The following ARHGAP26 variants were observed in gnomAD, a reference collection of about 807,000 sequenced individuals.
The protein encoded by ARHGAP26 is rho GTPase-activating protein 26.
In ARHGAP26, 38 loss-of-function variants were observed where a neutral mutation model predicts 104.8. The observed-to-expected ratio is 0.36, with a 90% CI of 0.28 to 0.48. The LOEUF is 0.48. ARHGAP26 is among the 20% of genes least tolerant of loss of function. The probability of loss-of-function intolerance (pLI) is 0.99; values close to 1 mark genes in which losing one functional copy is unlikely to be tolerated. For synonymous variants in ARHGAP26, 341 were observed against 340.0 expected, an observed-to-expected ratio of 1.00 and a Z score of -0.03; for missense variants, 704 against 947.9, an observed-to-expected ratio of 0.74 and a Z score of 3.38.
chr5:143,148,802 C>A (rs1799457892), intron 20 of ARHGAP26, among the ~76,000 whole-genome samples: 1 of 152,020 alleles, frequency 6.6e-6, no homozygotes, highest in South Asian at 2.1e-4. Flanking sequence ...TTGTTTTTTT[C>A]TTCAGTTGGT....
chr5:142,806,384 T>TG (rs1360022000), intron 1 of ARHGAP26, among the ~76,000 whole-genome samples: 1 of 152,222 alleles, frequency 6.6e-6, no homozygotes, highest in Non-Finnish European at 1.5e-5. Flanking sequence ...CCTGAGCCAT[T>TG]GTGCTGGCCA....
intron 1 of ARHGAP26, among the ~76,000 whole-genome samples, chr5:142,867,479 T>A (rs1350643156): frequency 6.6e-6 from 1 of 152,126 alleles, no homozygotes; most frequent in African/African-American, 2.4e-5. Flanking sequence ...TCGTTGGAAA[T>A]GCCTCTCTCC....
At chr5:142,995,111 A>C (rs1038814672) in intron 11 of ARHGAP26, among the ~76,000 whole-genome samples, 1 of 152,238 alleles carries the variant, frequency 6.6e-6, no homozygotes, top group Non-Finnish European at 1.5e-5. Context: ...ATGGGCAAAG[A>C]CTTCATGACT....
chr5:142,833,059 T>C (rs1012324633), intron 1 of ARHGAP26, among the ~76,000 whole-genome samples: 7 of 151,932 alleles, frequency 4.6e-5, no homozygotes, highest in African/African-American at 1.7e-4. Flanking sequence ...TTTTATTTCT[T>C]TTTTTTTGTT....
intron 12 of ARHGAP26, among the ~76,000 whole-genome samples, chr5:143,020,838 C>A (rs554020355): frequency 6.6e-6 from 1 of 152,128 alleles, no homozygotes; most frequent in African/African-American, 2.4e-5. Context: ...GACAGGGTTT[C>A]ACCGTGTTAG....
intron 11 of ARHGAP26, among the ~76,000 whole-genome samples, chr5:143,005,457 T>C (rs555450544): frequency 6.6e-6 from 1 of 152,350 alleles, no homozygotes; most frequent in South Asian, 2.1e-4. Flanking sequence ...ATAGTCTGGA[T>C]CACATGCAAC....
chr5:142,927,896 A>G (rs78888476), intron 10 of ARHGAP26, among the ~76,000 whole-genome samples: 1 of 152,168 alleles, frequency 6.6e-6, no homozygotes, highest in East Asian at 1.9e-4. Context: ...TTTTAATCAC[A>G]TTTCCCTCAT....
In ARHGAP26 at chr5:142,770,933, C is replaced by A; in HGVS notation, c.154+18C>A. 6.3e-7 allele frequency: 1 copy of A among 1,593,606 alleles called. No individual in the cohort carries two copies. Among genetic ancestry groups the A allele is most frequent in the African/African-American group, 1.4e-5 (1 of 73,570 alleles). ...GCTCAAGAGTGAGTGTCCCGAGCCCCTCGGGGACGCGGCTCCGGGGCGGGA... is the reference window on the plus strand; with the variant it reads ...GCTCAAGAGTGAGTGTCCCGAGCCCATCGGGGACGCGGCTCCGGGGCGGGA... On this transcript the variant is annotated intron_variant, in intron 1 of 22. Transcript: ENST00000645722.
At chr5:143,096,503 T>G (rs528134950) in intron 17 of ARHGAP26, among the ~76,000 whole-genome samples, 1 of 152,338 alleles carries the variant, frequency 6.6e-6, no homozygotes, top group African/African-American at 2.4e-5. Context: ...ACATGGTGTT[T>G]CATGAAAAAA....
rs117752823 is a variant in ARHGAP26 at position 142,995,962 on chromosome 5, C to T, written c.1108-18118C>T. ...TCACTTATAAGTTGTGTTCTCACAA[C>T]TCCCACTCCCATAAGTGGGAGCTGA... On this transcript the variant is annotated intron_variant, in intron 11 of 22. Transcript: ENST00000645722. Among the ~76,000 whole-genome samples, 4 of 152,180 alleles carry T rather than the reference C, an allele frequency of 2.6e-5. No individual in the cohort carries two copies. The East Asian group carries it at 7.7e-4, about 29-fold the overall frequency.
intron 10 of ARHGAP26, among the ~76,000 whole-genome samples, chr5:142,917,417 T>A (rs1477514699): frequency 2.6e-5 from 4 of 152,208 alleles, no homozygotes; most frequent in Non-Finnish European, 5.9e-5. Flanking sequence ...GACACCGCAG[T>A]GTCCAGTTTT....
At chr5:142,943,994 G>T (rs925476118) in intron 11 of ARHGAP26, among the ~76,000 whole-genome samples, 1 of 152,080 alleles carries the variant, frequency 6.6e-6, no homozygotes, top group Admixed American at 6.6e-5. Flanking sequence ...TCCTACTGGT[G>T]GGGGTTCCTG....
chr5:143,011,242 G>A (rs1161617496), intron 11 of ARHGAP26, among the ~76,000 whole-genome samples: 1 of 150,866 alleles, frequency 6.6e-6, no homozygotes, highest in Non-Finnish European at 1.5e-5. Context: ...ATTCAGGCCT[G>A]GCGCAAACGT....
intron 20 of ARHGAP26, among the ~76,000 whole-genome samples, chr5:143,159,860 A>G (rs1800970222): frequency 6.6e-6 from 1 of 151,850 alleles, no homozygotes; most frequent in African/African-American, 2.4e-5. Flanking sequence ...GGCAGATGGG[A>G]TGGTGATCTG....
chr5:142,869,563 G>T (rs1311534331), intron 1 of ARHGAP26, among the ~76,000 whole-genome samples: 1 of 152,016 alleles, frequency 6.6e-6, no homozygotes, highest in Non-Finnish European at 1.5e-5. Flanking sequence ...CACAATTTTG[G>T]TAACTTTGGA....
chr5:142,870,989 C>T (rs1383121904), intron 1 of ARHGAP26, among the ~76,000 whole-genome samples: 2 of 152,214 alleles, frequency 1.3e-5, no homozygotes, highest in Admixed American at 6.5e-5. Context: ...TGAAAAATTC[C>T]TCTATCAAGC....
At chr5:143,220,037 T>C (rs1394682234) in intron 22 of ARHGAP26, among the ~76,000 whole-genome samples, 1 of 152,098 alleles carries the variant, frequency 6.6e-6, no homozygotes, top group Non-Finnish European at 1.5e-5. Context: ...ATTGTAAATG[T>C]TTTCACCCCA....
intron 11 of ARHGAP26, among the ~76,000 whole-genome samples, chr5:143,006,768 G>C (rs912708401): frequency 6.6e-5 from 10 of 152,150 alleles, no homozygotes; most frequent in Non-Finnish European, 1.3e-4. Context: ...ATTTACTCCA[G>C]GCTATTCATG....
intron 4 of ARHGAP26, among the ~76,000 whole-genome samples, chr5:142,881,580 A>T (rs1173791845): frequency 6.6e-6 from 1 of 152,202 alleles, no homozygotes; most frequent in Non-Finnish European, 1.5e-5. Flanking sequence ...ATCACTAAAG[A>T]AGAATTGTGA....
Sources: gnomAD v4.1 joint callset for allele counts (sites outside exome capture counted in the v4.1 genomes callset) on GRCh38, gnomAD v4.1.1 for gene constraint, MANE v1.5 for transcripts, NCBI Gene and HGNC (gene_info 2026-07-23, HGNC 2026-07-21) for gene names.